TRAPPC9: variants seen among roughly 807,000 people sequenced by gnomAD.
TRAPPC9 encodes the protein trafficking protein particle complex subunit 9.
TRAPPC9 carries 83 observed loss-of-function variants against 124.0 expected under a neutral mutation model. That is an observed-to-expected ratio of 0.67 (90% CI 0.56 to 0.80). TRAPPC9 has a LOEUF of 0.80. Among genes scored for constraint, TRAPPC9 ranks in the 30% least tolerant of loss-of-function variants. The probability of loss-of-function intolerance (pLI) is 0.00; values close to 1 mark genes in which losing one functional copy is unlikely to be tolerated. For synonymous variants in TRAPPC9, 638 were observed against 617.5 expected (o/e 1.03, Z -0.49); for missense variants, 1,302 against 1,508.3 (o/e 0.86, Z 2.27).
intron 7 of TRAPPC9, among the ~76,000 whole-genome samples, chr8:140,374,690 T>C (rs190391134): frequency 2.7e-3 from 408 of 152,178 alleles, no homozygotes; most frequent in African/African-American, 8.4e-3. Context: ...CCAGACATGA[T>C]CAAAGATGTT....
chr8:140,216,703 C>A lies in TRAPPC9; in HGVS notation c.2556+4756G>T, dbSNP rs1349596999. 1.3e-5 allele frequency among the ~76,000 whole-genome samples: 2 copies of A among 152,200 alleles called. No homozygotes were observed. Among genetic ancestry groups the A allele is most frequent in the Admixed American group, 6.5e-5 (1 of 15,286 alleles). ...CACACAGACTTCAGGGGCCTCTGCA[C>A]CTGCCAGCCGCAGGTTCGGGAATGC... On this transcript the variant is annotated intron_variant, in intron 17 of 22. Transcript: ENST00000438773. This position sits in a 1 kb window ranked among gnomAD's most constrained non-coding sequence, Gnocchi z 4.1.
chr8:139,739,531 T>C (rs995519143), intron 21 of TRAPPC9, among the ~76,000 whole-genome samples: 10 of 152,222 alleles, frequency 6.6e-5, no homozygotes, highest in African/African-American at 2.2e-4. Flanking sequence ...CACTGCTCCC[T>C]GGCCATCCTG....
chr8:140,153,700 C>T (rs2061584810), intron 17 of TRAPPC9, among the ~76,000 whole-genome samples: 1 of 152,118 alleles, frequency 6.6e-6, no homozygotes, highest in African/African-American at 2.4e-5. Flanking sequence ...CTTCACTTGA[C>T]CAGCACAGTG....
chr8:140,147,739 C>T (rs745547090), intron 17 of TRAPPC9, among the ~76,000 whole-genome samples: 3 of 152,202 alleles, frequency 2.0e-5, no homozygotes, highest in Non-Finnish European at 2.9e-5. Flanking sequence ...AAAGCATTTT[C>T]GTATGGATTA....
At chr8:139,943,978 C>A (rs1254080419) in intron 19 of TRAPPC9, among the ~76,000 whole-genome samples, 1 of 152,060 alleles carries the variant, frequency 6.6e-6, no homozygotes, top group Non-Finnish European at 1.5e-5. Context: ...AAGAATGAGG[C>A]CGAAAAACAC....
At chr8:140,073,525 C>T (rs904368640) in intron 17 of TRAPPC9, among the ~76,000 whole-genome samples, 1 of 152,142 alleles carries the variant, frequency 6.6e-6, no homozygotes, top group African/African-American at 2.4e-5. Context: ...ACTGAGGACA[C>T]CTCTAGTTAG....
chr8:139,989,674 C>A (rs954257130), intron 18 of TRAPPC9, among the ~76,000 whole-genome samples: 3 of 152,166 alleles, frequency 2.0e-5, no homozygotes, highest in African/African-American at 4.8e-5. Context: ...CTGTGGATGA[C>A]AGAGCAGGGT....
At position 140,415,796 on chromosome 8, in the gene TRAPPC9, C is replaced by T. The variant is rs537026654; in HGVS notation, c.887-10098G>A. ...CCGGGCTTGGTAACATAGAGAGACC[C>T]CATCTCTACAAAAATTTAAAAAGTA... On this transcript the variant is annotated intron_variant, in intron 5 of 22. Transcript: ENST00000438773. Among the ~76,000 whole-genome samples the T allele has an allele frequency of 3.3e-5, 5 of 152,034 alleles. No individual in the cohort carries two copies. In the South Asian group the frequency reaches 1.0e-3, roughly 32 times the overall value.
intron 9 of TRAPPC9, among the ~76,000 whole-genome samples, chr8:140,313,769 G>A (rs1249330981): frequency 6.6e-6 from 1 of 152,164 alleles, no homozygotes; most frequent in Admixed American, 6.5e-5. Context: ...GAAGCGATCT[G>A]CGGATATGTA....
At chr8:140,206,849 G>C (rs1263981369) in intron 17 of TRAPPC9, among the ~76,000 whole-genome samples, 1 of 151,910 alleles carries the variant, frequency 6.6e-6, no homozygotes, top group African/African-American at 2.4e-5. Context: ...CACTCCCTGC[G>C]CCTTTTTGCC....
At chr8:140,390,726 A>G (rs2068901946) in intron 7 of TRAPPC9, among the ~76,000 whole-genome samples, 1 of 152,132 alleles carries the variant, frequency 6.6e-6, no homozygotes, top group Non-Finnish European at 1.5e-5. Context: ...CTCTCTCCTA[A>G]AGACAAGGTG....
Position 139,731,034 on chromosome 8 carries a change from C to A in TRAPPC9, c.*27G>T, listed in dbSNP as rs1389855119. On this transcript the variant is annotated 3_prime_UTR_variant, in exon 23 of 23. Coordinates refer to ENST00000438773, the MANE Select transcript of TRAPPC9 (RefSeq NM_001160372.4). ...CCAGGCAGGGTCACCTCTGGCCCTG[C>A]AGAAAGAGGGACGGAAGTAGGCGGG... The A allele has an allele frequency of 6.2e-7, 1 of 1,610,070 alleles. No homozygotes were observed. The highest frequency in any genetic ancestry group is 8.5e-7 in the Non-Finnish European group (1 of 1,179,288).
chr8:139,749,964 G>A (rs1819205379), intron 21 of TRAPPC9, among the ~76,000 whole-genome samples: 1 of 152,158 alleles, frequency 6.6e-6, no homozygotes, highest in African/African-American at 2.4e-5. Context: ...CTAGGCTTGG[G>A]CTGGCAACAC....
intron 7 of TRAPPC9, among the ~76,000 whole-genome samples, chr8:140,389,477 C>G (rs1240936121): frequency 6.6e-6 from 1 of 152,216 alleles, no homozygotes; most frequent in Non-Finnish European, 1.5e-5. Flanking sequence ...GCGAGTGGTG[C>G]TGATGCTGGC....
chr8:140,252,654 G>T lies in TRAPPC9; in HGVS notation c.2431+123C>A. 1.7e-6 allele frequency: 2 copies of T among 1,155,968 alleles called. No homozygotes were observed. The highest frequency in any genetic ancestry group is 2.5e-6 in the Non-Finnish European group (2 of 784,558). 71.6% of individuals were successfully genotyped at this position (1,155,968 alleles called of 1,614,324 possible). Reference sequence around the variant, plus strand: ...AACAAAGTGCCCAGGAGATGTCTCAGGCAGCTTGAGTTAATGAATGACAAG... The same window carrying T: ...AACAAAGTGCCCAGGAGATGTCTCATGCAGCTTGAGTTAATGAATGACAAG... On this transcript the variant is annotated intron_variant, in intron 16 of 22. Coordinates refer to ENST00000438773, the MANE Select transcript of TRAPPC9 (RefSeq NM_001160372.4). The surrounding 1 kb of genome is among the most constrained non-coding windows in gnomAD (Gnocchi z 4.2).
chr8:139,999,982 T>A (rs1022081813), intron 18 of TRAPPC9, among the ~76,000 whole-genome samples: 2 of 152,190 alleles, frequency 1.3e-5, no homozygotes, highest in Admixed American at 1.3e-4. Flanking sequence ...TCAATAAGCC[T>A]ATCTTCTATC....
chr8:139,813,264 C>T (rs943590198), intron 21 of TRAPPC9, among the ~76,000 whole-genome samples: 2 of 152,226 alleles, frequency 1.3e-5, no homozygotes, highest in African/African-American at 4.8e-5. Context: ...TCAGTTTCCT[C>T]CTCTTAAAAT....
At chr8:140,042,318 G>A (rs188485698) in intron 17 of TRAPPC9, among the ~76,000 whole-genome samples, 40 of 152,202 alleles carry the variant, frequency 2.6e-4, no homozygotes, top group East Asian at 2.1e-3. Context: ...CTTCATGTTC[G>A]AGATATTTCA....
chr8:139,958,892 C>T (rs111590708), intron 19 of TRAPPC9, among the ~76,000 whole-genome samples: 4,424 of 149,040 alleles, frequency 0.03, 76 homozygotes, highest in Middle Eastern at 0.08. Context: ...CACTGCATTC[C>T]GAGTCACACA....
Sources: allele counts gnomAD v4.1 joint callset (sites outside exome capture counted in the v4.1 genomes callset), GRCh38; gene constraint gnomAD v4.1.1; non-coding constraint Gnocchi (gnomAD v3.1); transcripts MANE v1.5; gene names NCBI Gene and HGNC (gene_info 2026-07-23, HGNC 2026-07-21).